NIBAN1: variants seen among roughly 807,000 people sequenced by gnomAD.
NIBAN1 encodes the protein protein Niban 1.
Under a neutral mutation model 75.1 loss-of-function variants are expected in NIBAN1, and 81 were observed. The observed-to-expected ratio is 1.08, with a 90% CI of 0.90 to 1.30. The LOEUF is 1.30. Among genes scored for constraint, NIBAN1 ranks in the 50% most tolerant of loss-of-function variants. NIBAN1 has a pLI of 0.00. For missense variants in NIBAN1, 1,133 were observed against 1,128.1 expected (o/e 1.00, Z -0.06); for synonymous variants, 436 against 424.8 (o/e 1.03, Z -0.32).
Position 184,908,946 on chromosome 1 carries a change from C to A in NIBAN1, c.56-9637G>T, listed in dbSNP as rs146936897. Among the ~76,000 whole-genome samples the A allele has an allele frequency of 1.9e-3, 289 of 152,226 alleles. 2 individuals are homozygous for A. Among genetic ancestry groups the A allele is most frequent in the African/African-American group, 6.4e-3 (264 of 41,542 alleles). On this transcript the variant is annotated intron_variant, in intron 1 of 13. Coordinates refer to ENST00000367511, the MANE Select transcript of NIBAN1 (RefSeq NM_052966.4). ...GAGAGCATCACAGGAACTATGAATC[C>A]ATGAAGAATAACAATGTTTTTGCCC...
Position 184,894,178 on chromosome 1 carries a change from T to G in NIBAN1, c.215A>C (p.Tyr72Ser). 6.2e-7 allele frequency: 1 copy of G among 1,610,984 alleles called. No homozygotes were observed. The highest frequency in any genetic ancestry group is 8.5e-7 in the Non-Finnish European group (1 of 1,178,962). The stretch of plus-strand genomic sequence containing the variant: ...AGAAAATTGTGATAGCTCTGCTTCA[T>G]ACAAAATAGTTCCAGGCGCCAATGG... ...KPPLAPGTIL[Y>S]EAELSQFSED... Residue 72 changes from tyrosine to serine, a missense_variant, in exon 3 of 14, where the codon TAT (tyrosine) becomes TCT (serine). Physicochemically the swap from Tyr to Ser is moderately radical, Grantham distance 144. Transcript: ENST00000367511.
chr1:184,949,431 A>G (rs757418836), intron 1 of NIBAN1, among the ~76,000 whole-genome samples: 5 of 152,244 alleles, frequency 3.3e-5, no homozygotes, highest in Non-Finnish European at 7.3e-5. Flanking sequence ...AAGAATAACC[A>G]CCACTTATTG....
intron 1 of NIBAN1, among the ~76,000 whole-genome samples, chr1:184,933,289 T>G (rs909406069): frequency 2.0e-5 from 3 of 152,180 alleles, no homozygotes; most frequent in African/African-American, 7.2e-5. Context: ...ATATATCCAC[T>G]ACAGTCTATT....
At chr1:184,939,657 T>C (rs569192467) in intron 1 of NIBAN1, among the ~76,000 whole-genome samples, 2 of 152,330 alleles carry the variant, frequency 1.3e-5, no homozygotes, top group African/African-American at 4.8e-5. Flanking sequence ...CCAGAAAAAC[T>C]GTGGGCAAGT....
intron 1 of NIBAN1, among the ~76,000 whole-genome samples, chr1:184,933,817 A>G (rs796825633): frequency 5.2e-4 from 79 of 152,362 alleles, no homozygotes; most frequent in African/African-American, 1.8e-3. Flanking sequence ...CGCTATAGAA[A>G]TGCCTGGTTT....
At chr1:184,960,172 T>C (rs1296442502) in intron 1 of NIBAN1, among the ~76,000 whole-genome samples, 1 of 152,210 alleles carries the variant, frequency 6.6e-6, no homozygotes, top group Non-Finnish European at 1.5e-5. Context: ...AAAATGATTT[T>C]TTAGAGAGAA....
intron 13 of NIBAN1, 47 bp from the exon 14 acceptor site, chr1:184,796,144 A>C: frequency 6.7e-7 from 1 of 1,484,410 alleles, no homozygotes. Context: ...TTTTATTGAG[A>C]AGCCAAAGTC....
chr1:184,911,807 G>T (rs982635479), intron 1 of NIBAN1, among the ~76,000 whole-genome samples: 2 of 152,166 alleles, frequency 1.3e-5, no homozygotes, highest in Admixed American at 1.3e-4. Flanking sequence ...TTTGGTGTAC[G>T]TGCATGTTTT....
rs373027349 is a variant in NIBAN1 at position 184,798,123 on chromosome 1, T to C, written c.1622A>G (p.Tyr541Cys). ...HTNMIHVENV[Y>C]EEILHQILLD... is the part of the protein sequence containing the mutation. ...CAGGATCTGATGTAAAATCTCCTCATAGACATTTTCAACGTGAATCATATT... is the reference window on the plus strand; with the variant it reads ...CAGGATCTGATGTAAAATCTCCTCACAGACATTTTCAACGTGAATCATATT... The change falls in exon 13 of 14, where the codon TAT becomes TGT. Residue 541 changes from tyrosine (Y) to cysteine (C), a missense_variant. Coordinates refer to ENST00000367511, the MANE Select transcript of NIBAN1 (RefSeq NM_052966.4). 15 of 1,612,142 alleles carry C rather than the reference T, an allele frequency of 9.3e-6. No individual in the cohort carries two copies. The highest frequency in any genetic ancestry group is 3.3e-5 in the Admixed American group (2 of 59,986).
In NIBAN1 at chr1:184,791,048, T is replaced by G; in HGVS notation, c.*3929A>C. The G allele has an allele frequency of 4.2e-6, 2 of 471,516 alleles. No individual in the cohort carries two copies. Among genetic ancestry groups the G allele is most frequent in the Non-Finnish European group, 8.8e-6 (2 of 227,100 alleles). 29.2% of individuals were successfully genotyped at this position (471,516 alleles called of 1,614,324 possible). On this transcript the variant is annotated 3_prime_UTR_variant, in exon 14 of 14. Transcript: ENST00000367511. ...GGTCAGCTCTTCAAGGATGAACATT[T>G]TATTGGAATATAGGCACCTGGCAGA...
chr1:184,890,233 A>G lies in NIBAN1; in HGVS notation c.319-11T>C, dbSNP rs1571550599. ...TCCTCTCTGATAGGCCTGGGGAGGG[A>G]AAGGCACACAGGAATGATATCTTTT... On this transcript the variant is annotated splice_polypyrimidine_tract_variant and intron_variant, in intron 3 of 13. Coordinates refer to ENST00000367511, the MANE Select transcript of NIBAN1 (RefSeq NM_052966.4). The G allele has an allele frequency of 1.3e-6, 2 of 1,581,234 alleles. No individual in the cohort carries two copies. The highest frequency in any genetic ancestry group is 1.7e-6 in the Non-Finnish European group (2 of 1,150,182).
intron 1 of NIBAN1, among the ~76,000 whole-genome samples, chr1:184,933,885 A>T (rs1196396898): frequency 6.6e-6 from 1 of 152,260 alleles, no homozygotes; most frequent in Non-Finnish European, 1.5e-5. Context: ...ATTCTGGTGA[A>T]TGCCAATGCT....
intron 5 of NIBAN1, among the ~76,000 whole-genome samples, chr1:184,843,672 T>A (rs996450820): frequency 1.2e-4 from 18 of 152,212 alleles, no homozygotes; most frequent in African/African-American, 4.1e-4. Context: ...TATGGGAAGA[T>A]TTGTATTCTA....
chr1:184,905,349 G>A (rs1372000381), intron 1 of NIBAN1, among the ~76,000 whole-genome samples: 1 of 152,130 alleles, frequency 6.6e-6, no homozygotes, highest in Non-Finnish European at 1.5e-5. Context: ...ATTAGTCATA[G>A]GGGCACAACC....
chr1:184,890,507 C>T (rs888118493), intron 3 of NIBAN1, among the ~76,000 whole-genome samples: 4 of 152,182 alleles, frequency 2.6e-5, no homozygotes, highest in African/African-American at 9.7e-5. Context: ...AACATAATCT[C>T]AGTAACCCTG....
intron 1 of NIBAN1, among the ~76,000 whole-genome samples, chr1:184,946,299 C>T (rs1233083473): frequency 1.3e-5 from 2 of 152,080 alleles, no homozygotes; most frequent in Non-Finnish European, 2.9e-5. Flanking sequence ...AATATGGTTA[C>T]AGAAAAAGGA....
chr1:184,934,822 G>A (rs1353053975), intron 1 of NIBAN1, among the ~76,000 whole-genome samples: 2 of 152,062 alleles, frequency 1.3e-5, no homozygotes, highest in Admixed American at 6.6e-5. Context: ...TTGAATCTGG[G>A]AGGCAGCGGT....
At chr1:184,923,024 C>G (rs549172406) in intron 1 of NIBAN1, among the ~76,000 whole-genome samples, 2 of 152,178 alleles carry the variant, frequency 1.3e-5, no homozygotes, top group Non-Finnish European at 2.9e-5. Context: ...TGTCTCTTCA[C>G]TTTGTTGATT....
intron 1 of NIBAN1, among the ~76,000 whole-genome samples, chr1:184,903,414 T>G (rs1325031753): frequency 1.3e-5 from 2 of 152,214 alleles, no homozygotes; most frequent in Non-Finnish European, 2.9e-5. Flanking sequence ...AATCTCATGT[T>G]GAGATGTAAT....
Sources: gnomAD v4.1 joint callset for allele counts (sites outside exome capture counted in the v4.1 genomes callset) on GRCh38, gnomAD v4.1.1 for gene constraint, MANE v1.5 for transcripts, NCBI Gene and HGNC (gene_info 2026-07-23, HGNC 2026-07-21) for gene names.